The following GALNTL6 variants were observed in gnomAD, a reference collection of about 807,000 sequenced individuals.
The protein encoded by GALNTL6 is polypeptide N-acetylgalactosaminyltransferase like 6, also known as polypeptide N-acetylgalactosaminyltransferase-like 6.
GALNTL6 carries 46 observed loss-of-function variants against 73.7 expected under a neutral mutation model. The observed-to-expected ratio is 0.62, with a 90% CI of 0.49 to 0.80. GALNTL6 has a LOEUF of 0.80. GALNTL6 is among the 30% of genes least tolerant of loss of function. GALNTL6 has a pLI of 0.00. For missense variants in GALNTL6, 604 were observed against 755.0 expected, an observed-to-expected ratio of 0.80 and a Z score of 2.34; for synonymous variants, 259 against 263.7, an observed-to-expected ratio of 0.98 and a Z score of 0.17.
At chr4:172,058,390 T>C (rs568890649) in intron 2 of GALNTL6, among the ~76,000 whole-genome samples, 50 of 152,132 alleles carry the variant, frequency 3.3e-4, no homozygotes, top group Non-Finnish European at 6.3e-4. Flanking sequence ...TCTCGAAAAA[T>C]ACGAACTTTG....
intron 5 of GALNTL6, among the ~76,000 whole-genome samples, chr4:172,381,995 G>A (rs1279205100): frequency 6.6e-6 from 1 of 152,152 alleles, no homozygotes; most frequent in Non-Finnish European, 1.5e-5. Flanking sequence ...TTGAGATGGA[G>A]TTTCGCTCTT....
At chr4:172,792,426 A>G (rs1233065346) in intron 5 of GALNTL6, among the ~76,000 whole-genome samples, 2 of 152,138 alleles carry the variant, frequency 1.3e-5, no homozygotes, top group African/African-American at 2.4e-5. Flanking sequence ...ATATAAATAT[A>G]GATTAGAAAC....
intron 2 of GALNTL6, among the ~76,000 whole-genome samples, chr4:172,170,599 G>A (rs772456127): frequency 5.6e-5 from 8 of 143,162 alleles, no homozygotes; most frequent in African/African-American, 7.8e-5. Context: ...AACCTCCTCC[G>A]CTTTCCGAGT....
chr4:172,143,779 G>C (rs537061479), intron 2 of GALNTL6, among the ~76,000 whole-genome samples: 9 of 152,080 alleles, frequency 5.9e-5, no homozygotes, highest in African/African-American at 2.2e-4. Flanking sequence ...TACTTACTTA[G>C]ATAGAACGTT....
intron 10 of GALNTL6, among the ~76,000 whole-genome samples, chr4:172,975,535 G>A (rs540071970): frequency 1.3e-5 from 2 of 152,314 alleles, no homozygotes; most frequent in South Asian, 2.1e-4. Flanking sequence ...CCGCTGAACT[G>A]ACAGCCTGGC....
At chr4:172,178,652 C>CTTTTTTTTTT (rs376927709) in intron 2 of GALNTL6, among the ~76,000 whole-genome samples, 1 of 135,516 alleles carries the variant, frequency 7.4e-6, no homozygotes, top group Non-Finnish European at 1.6e-5. Context: ...GACACATTTT[C>CTTTTTTTTTT]TTTTTTTTTT....
intron 2 of GALNTL6, among the ~76,000 whole-genome samples, chr4:172,222,306 A>G (rs1396923777): frequency 6.6e-6 from 1 of 151,216 alleles, no homozygotes; most frequent in Non-Finnish European, 1.5e-5. Flanking sequence ...GAGATGTCAG[A>G]ACTCTCAAAT....
chr4:172,850,109 A>G (rs1412363803), intron 7 of GALNTL6, among the ~76,000 whole-genome samples: 1 of 152,186 alleles, frequency 6.6e-6, no homozygotes. Context: ...GAAAAGAATG[A>G]GGGCCAGCAG....
At position 172,348,511 on chromosome 4, in the gene GALNTL6, C is replaced by G; in HGVS notation, c.387-12C>G. ...GTATTTGACACACCATTTTCTTTTC[C>G]CTCATCTCCAGCTGTAAGCATAAGA... On this transcript the variant is annotated splice_polypyrimidine_tract_variant and intron_variant, in intron 4 of 12. Coordinates refer to ENST00000506823, the MANE Select transcript of GALNTL6 (RefSeq NM_001034845.3). 6.2e-7 allele frequency: 1 copy of G among 1,602,558 alleles called. No individual in the cohort carries two copies. Among genetic ancestry groups the G allele is most frequent in the Non-Finnish European group, 8.5e-7 (1 of 1,173,306 alleles).
intron 2 of GALNTL6, among the ~76,000 whole-genome samples, chr4:171,989,244 T>C (rs1399055248): frequency 5.3e-5 from 8 of 152,140 alleles, no homozygotes; most frequent in Non-Finnish European, 8.8e-5. Context: ...CAAAGCTTGG[T>C]GTCCGTGATG....
chr4:172,394,816 T>C (rs1743793858), intron 5 of GALNTL6, among the ~76,000 whole-genome samples: 1 of 152,148 alleles, frequency 6.6e-6, no homozygotes, highest in African/African-American at 2.4e-5. Flanking sequence ...CAAGCAGATA[T>C]TTACTAACAG....
chr4:172,673,015 A>G (rs78152990), intron 5 of GALNTL6, among the ~76,000 whole-genome samples: 194 of 152,054 alleles, frequency 1.3e-3, no homozygotes, highest in African/African-American at 4.5e-3. Flanking sequence ...TTGTGCCCCA[A>G]TTTCCTTCAG....
At chr4:171,971,446 T>C (rs1739566291) in intron 2 of GALNTL6, among the ~76,000 whole-genome samples, 1 of 152,200 alleles carries the variant, frequency 6.6e-6, no homozygotes, top group African/African-American at 2.4e-5. Flanking sequence ...GAATTTATAA[T>C]TGGGACATTT....
chr4:172,639,997 GT>G (rs1739897215), intron 5 of GALNTL6, among the ~76,000 whole-genome samples: 1 of 151,712 alleles, frequency 6.6e-6, no homozygotes, highest in Non-Finnish European at 1.5e-5. Flanking sequence ...TTTCCCACAT[GT>G]TACCACCCCA....
intron 2 of GALNTL6, among the ~76,000 whole-genome samples, chr4:172,053,831 A>G (rs1730946159): frequency 6.6e-6 from 1 of 152,128 alleles, no homozygotes; most frequent in Non-Finnish European, 1.5e-5. Context: ...CCCCTAGCGA[A>G]GGAGGCAAGA....
At chr4:172,596,816 G>A (rs1183495888) in intron 5 of GALNTL6, among the ~76,000 whole-genome samples, 1 of 151,932 alleles carries the variant, frequency 6.6e-6, no homozygotes, top group Non-Finnish European at 1.5e-5. Context: ...ATCAGTTTTG[G>A]GAAAAGCAAA....
chr4:172,171,285 A>G (rs1734814625), intron 2 of GALNTL6, among the ~76,000 whole-genome samples: 1 of 152,214 alleles, frequency 6.6e-6, no homozygotes, highest in African/African-American at 2.4e-5. Context: ...TTAAGGACCT[A>G]TAATATCCTA....
intron 2 of GALNTL6, among the ~76,000 whole-genome samples, chr4:172,224,177 C>T (rs1736775771): frequency 6.6e-6 from 1 of 152,124 alleles, no homozygotes; most frequent in African/African-American, 2.4e-5. Flanking sequence ...AAACCAAGGG[C>T]TTTCACATAC....
At chr4:172,017,236 C>T (rs527809476) in intron 2 of GALNTL6, among the ~76,000 whole-genome samples, 2 of 152,232 alleles carry the variant, frequency 1.3e-5, no homozygotes, top group South Asian at 4.1e-4. Context: ...AGCTCCCCTG[C>T]CATGTCAGCA....
Sources: gnomAD v4.1 joint callset for allele counts (sites outside exome capture counted in the v4.1 genomes callset) on GRCh38, gnomAD v4.1.1 for gene constraint, MANE v1.5 for transcripts, NCBI Gene and HGNC (gene_info 2026-07-23, HGNC 2026-07-21) for gene names.